OPCML: variants seen among roughly 807,000 people sequenced by gnomAD.
OPCML encodes opioid binding protein/cell adhesion molecule like.
Under a neutral mutation model 37.8 loss-of-function variants are expected in OPCML, and 13 were observed. The ratio of observed to expected loss-of-function variants is 0.34; its 90% confidence interval spans 0.22 to 0.55. OPCML has a LOEUF of 0.55. OPCML is among the 20% of genes least tolerant of loss of function. OPCML has a pLI of 0.91. For synonymous variants in OPCML, 176 were observed against 168.8 expected (o/e 1.04, Z -0.33); for missense variants, 341 against 435.6 (o/e 0.78, Z 1.93).
intron 2 of OPCML, among the ~76,000 whole-genome samples, chr11:132,854,231 G>A (rs1941947650): frequency 1.3e-5 from 2 of 152,184 alleles, no homozygotes; most frequent in South Asian, 4.1e-4. Context: ...CACAGGGAGA[G>A]GTTCAGGAGG....
At chr11:133,083,585 G>T (rs1185799895) in intron 1 of OPCML, among the ~76,000 whole-genome samples, 4 of 152,250 alleles carry the variant, frequency 2.6e-5, no homozygotes, top group Admixed American at 2.0e-4. Context: ...CTCAAAGCTG[G>T]ATTCAGTTGC....
chr11:132,499,180 G>A lies in OPCML; in HGVS notation c.505+29881C>T, dbSNP rs77809537. ...TGGTAGATATGTGATGATTCCAGGT[G>A]CAGGGAGCTGAGGAAAGGGTCCCTC... On this transcript the variant is annotated intron_variant, in intron 4 of 7. Transcript: ENST00000524381. Among the ~76,000 whole-genome samples, 98 of 152,310 alleles carry A rather than the reference G, an allele frequency of 6.4e-4. 1 individual carries two copies. The East Asian group carries it at 0.017, about 27-fold the overall frequency.
In OPCML at chr11:132,478,959, C is replaced by T. The variant is rs115305218; in HGVS notation, c.506-41600G>A. Among the ~76,000 whole-genome samples the T allele has an allele frequency of 3.7e-3, 566 of 152,106 alleles. 10 individuals are homozygous for T. Among genetic ancestry groups the T allele is most frequent in the African/African-American group, 0.013 (552 of 41,502 alleles). On this transcript the variant is annotated intron_variant, in intron 4 of 7. Transcript: ENST00000524381. The stretch of plus-strand genomic sequence containing the variant: ...GCTGAACATGTATCAAATGTTCAGG[C>T]ATTTTTTTTTCACAAGGAGATAGAG...
chr11:132,788,383 C>T (rs1009409227), intron 2 of OPCML, among the ~76,000 whole-genome samples: 2 of 152,168 alleles, frequency 1.3e-5, no homozygotes, highest in African/African-American at 4.8e-5. Context: ...AATTCTGTCT[C>T]CCAAATATAT....
At chr11:132,801,271 C>T (rs538005375) in intron 2 of OPCML, among the ~76,000 whole-genome samples, 1 of 152,240 alleles carries the variant, frequency 6.6e-6, no homozygotes, top group African/African-American at 2.4e-5. Flanking sequence ...TAATTTGAGT[C>T]TTCTCTTTCC....
At chr11:132,803,921 G>A (rs118072568) in intron 2 of OPCML, among the ~76,000 whole-genome samples, 2,422 of 152,266 alleles carry the variant, frequency 0.016, 26 homozygotes, top group Middle Eastern at 0.031. Context: ...ACTATTAACT[G>A]TTCTTATTTA....
intron 2 of OPCML, among the ~76,000 whole-genome samples, chr11:132,746,381 A>T (rs1289426676): frequency 6.6e-6 from 1 of 152,162 alleles, no homozygotes; most frequent in Non-Finnish European, 1.5e-5. Flanking sequence ...CAGGACTTAC[A>T]CAAGCATCTC....
At chr11:132,920,972 G>T (rs1944773868) in intron 2 of OPCML, among the ~76,000 whole-genome samples, 1 of 152,042 alleles carries the variant, frequency 6.6e-6, no homozygotes, top group Non-Finnish European at 1.5e-5. Context: ...AGTTTTCCTT[G>T]CCTGACCCCC....
intron 1 of OPCML, among the ~76,000 whole-genome samples, chr11:133,244,413 A>G (rs568649667): frequency 6.6e-6 from 1 of 152,212 alleles, no homozygotes; most frequent in Non-Finnish European, 1.5e-5. Context: ...TACTAATATT[A>G]TCAAGACCAA....
intron 1 of OPCML, among the ~76,000 whole-genome samples, chr11:133,077,425 C>T (rs552158757): frequency 4.6e-5 from 7 of 152,154 alleles, no homozygotes; most frequent in Non-Finnish European, 8.8e-5. Context: ...TACCTAATGA[C>T]GCTTGTAAAA....
intron 3 of OPCML, among the ~76,000 whole-genome samples, chr11:132,622,400 G>A (rs1336747357): frequency 5.9e-5 from 9 of 152,046 alleles, no homozygotes; most frequent in Admixed American, 5.9e-4. Flanking sequence ...CACTGAAGAA[G>A]CCAAGAGCAC....
intron 3 of OPCML, among the ~76,000 whole-genome samples, chr11:132,656,758 G>C (rs1205875302): frequency 6.6e-6 from 1 of 152,206 alleles, no homozygotes; most frequent in Admixed American, 6.5e-5. Context: ...GGCACTGAGA[G>C]TAGTACTGTA....
chr11:132,859,168 T>C (rs1368613171), intron 2 of OPCML: 2 of 152,204 alleles, frequency 1.3e-5, no homozygotes, highest in African/African-American at 2.4e-5. Context: ...ATGATGATGA[T>C]AAATGAAAGC....
intron 1 of OPCML, among the ~76,000 whole-genome samples, chr11:133,521,782 G>T (rs1228796279): frequency 5.9e-5 from 9 of 152,216 alleles, no homozygotes. Flanking sequence ...TCTCTTTGAG[G>T]GGTATGGGAA....
At chr11:133,096,934 C>T (rs570724388) in intron 1 of OPCML, among the ~76,000 whole-genome samples, 39 of 152,058 alleles carry the variant, frequency 2.6e-4, no homozygotes, top group Non-Finnish European at 4.9e-4. Flanking sequence ...ACAGATGAAT[C>T]CATGATTATA....
At chr11:132,878,293 A>G (rs920052303) in intron 2 of OPCML, among the ~76,000 whole-genome samples, 1 of 152,224 alleles carries the variant, frequency 6.6e-6, no homozygotes, top group African/African-American at 2.4e-5. Context: ...TATCTGGTTA[A>G]ACGTGTTCTG....
intron 1 of OPCML, among the ~76,000 whole-genome samples, chr11:133,229,149 T>G (rs1202126435): frequency 6.6e-6 from 1 of 152,182 alleles, no homozygotes; most frequent in Non-Finnish European, 1.5e-5. Flanking sequence ...TAATTGCTTT[T>G]CTTTTGTTAA....
intron 1 of OPCML, among the ~76,000 whole-genome samples, chr11:133,003,550 G>T (rs892752604): frequency 7.9e-5 from 12 of 152,180 alleles, no homozygotes; most frequent in African/African-American, 2.9e-4. Context: ...AATCTGTGAA[G>T]AACTTTTTGT....
intron 1 of OPCML, among the ~76,000 whole-genome samples, chr11:133,117,190 C>T (rs1330911740): frequency 6.6e-6 from 1 of 152,114 alleles, no homozygotes; most frequent in Non-Finnish European, 1.5e-5. Context: ...TTCAAATGTT[C>T]TGATGGTTTT....
Sources: gnomAD v4.1 joint callset for allele counts (sites outside exome capture counted in the v4.1 genomes callset) on GRCh38, gnomAD v4.1.1 for gene constraint, MANE v1.5 for transcripts, NCBI Gene and HGNC (gene_info 2026-07-23, HGNC 2026-07-21) for gene names.